MGAT4B: variants seen among roughly 807,000 people sequenced by gnomAD.
MGAT4B encodes the protein alpha-1,3-mannosyl-glycoprotein 4-beta-N-acetylglucosaminyltransferase B.
A neutral mutation model predicts 73.9 loss-of-function variants in MGAT4B; 38 were observed. The ratio of observed to expected loss-of-function variants is 0.51; its 90% CI spans 0.40 to 0.67. The LOEUF (loss-of-function observed/expected upper bound fraction) is 0.67, where lower values mean the gene tolerates loss of function less well. MGAT4B is among the 30% of genes least tolerant of loss of function. The pLI is 0.00. For missense variants in MGAT4B, 686 were observed against 735.2 expected (o/e 0.93, Z 0.77); for synonymous variants, 373 against 313.5 (o/e 1.19, Z -2.01).
At position 179,801,645 on chromosome 5, in the gene MGAT4B, G is replaced by A. The variant is rs141170422; in HGVS notation, c.333C>T (p.His111=). The A allele has an allele frequency of 6.8e-6, 11 of 1,606,356 alleles. No individual in the cohort carries two copies. The highest frequency in any genetic ancestry group is 6.8e-5 in the Admixed American group (4 of 58,634). The part of the protein sequence containing the change: ...PWNGSHRHVL[H]LPTVFHHLPH... ...GCAGGTGATGGAAGACGGTGGGCAG[G>A]TGCAGCACGTGCCGGTGTGAGCCGT... Residue 111 remains histidine, a synonymous_variant, in exon 3 of 15, where the codon CAC becomes CAT. Coordinates refer to ENST00000292591, the MANE Select transcript of MGAT4B (RefSeq NM_014275.5). The surrounding 1 kb of genome is among the most constrained non-coding windows in gnomAD (Gnocchi z 4.8).
intron 6 of MGAT4B, 42 bp downstream of exon 6, chr5:179,800,442 C>G: frequency 6.8e-7 from 1 of 1,473,206 alleles, no homozygotes; most frequent in Non-Finnish European, 9.4e-7. Context: ...GTTCTCAGCA[C>G]AGGCAGGCGG....
Position 179,801,978 on chromosome 5 carries a change from G to A in MGAT4B, c.98-9C>T. On this transcript the variant is annotated splice_polypyrimidine_tract_variant and intron_variant, in intron 1 of 14. Coordinates refer to ENST00000292591, the MANE Select transcript of MGAT4B (RefSeq NM_014275.5). This position sits in a 1 kb window ranked among gnomAD's most constrained non-coding sequence, Gnocchi z 4.8. Reference sequence around the variant, plus strand: ...AACGTCCACAACGTCGCCTGCAGGTGGTAGGCAAGCCGTCACGAGGGGGCG... The same window carrying A: ...AACGTCCACAACGTCGCCTGCAGGTAGTAGGCAAGCCGTCACGAGGGGGCG... The A allele has an allele frequency of 1.2e-6, 2 of 1,613,384 alleles. No homozygotes were observed. Among genetic ancestry groups the A allele is most frequent in the Non-Finnish European group, 1.7e-6 (2 of 1,179,992 alleles).
rs749049937 is a variant in MGAT4B at position 179,799,044 on chromosome 5, T to C, written c.1227A>G (p.Thr409=). ...CTTTCTCCAGGGTGAAGTGCTGGTATGTCTTCAGGCTCGTGCTCACCTCTG... is the reference window on the plus strand; with the variant it reads ...CTTTCTCCAGGGTGAAGTGCTGGTACGTCTTCAGGCTCGTGCTCACCTCTG... ...PPAEVSTSLK[T]YQHFTLEKAY... The change falls in exon 11 of 15, where the codon ACA becomes ACG. Residue 409 remains threonine (T), a synonymous_variant. Coordinates refer to ENST00000292591, the MANE Select transcript of MGAT4B (RefSeq NM_014275.5). 2.5e-6 allele frequency: 4 copies of C among 1,614,006 alleles called. No individual in the cohort carries two copies. Among genetic ancestry groups the C allele is most frequent in the Non-Finnish European group, 3.4e-6 (4 of 1,180,030 alleles).
In MGAT4B at chr5:179,800,194, T is replaced by C. The variant is rs1314586319; in HGVS notation, c.785A>G (p.Tyr262Cys). 1 of 1,613,702 alleles carries C rather than the reference T, an allele frequency of 6.2e-7. No homozygotes were observed. Among genetic ancestry groups the C allele is most frequent in the Admixed American group, 1.7e-5 (1 of 60,028 alleles). ...LMMYAQSKGI[Y>C]YVQLEDDIVA... The stretch of plus-strand genomic sequence containing the variant: ...GGGCTTGGGGCTGACCTGCACGTAG[T>C]AGATGCCTTTGGACTGCGCGTACAT... Residue 262 changes from tyrosine (Y) to cysteine (C), a missense_variant, in exon 7 of 15, where the codon TAC becomes TGC. Physicochemically the swap from Tyr to Cys is radical, Grantham distance 194. This residue lies in a region of MGAT4B where 449 missense variants were observed against 536.8 expected (regional missense o/e 0.84). Transcript: ENST00000292591.
intron 11 of MGAT4B, 155 bp from the exon 12 acceptor site, chr5:179,798,746 G>T: frequency 9.2e-7 from 1 of 1,081,616 alleles, no homozygotes; most frequent in Non-Finnish European, 1.3e-6. Flanking sequence ...GGAGGATGGT[G>T]ACAGGAAACA....
In MGAT4B at chr5:179,801,638, T is replaced by A; in HGVS notation, c.340A>T (p.Thr114Ser). Residue 114 changes from threonine to serine, a missense_variant, in exon 3 of 15, where the codon ACC (threonine) becomes TCC (serine). By Grantham distance (58) the Thr-to-Ser change is moderately conservative. Transcript: ENST00000292591. This position sits in a 1 kb window ranked among gnomAD's most constrained non-coding sequence, Gnocchi z 4.8. ...AGGTGTGGCAGGTGATGGAAGACGGTGGGCAGGTGCAGCACGTGCCGGTGT... is the reference window on the plus strand; with the variant it reads ...AGGTGTGGCAGGTGATGGAAGACGGAGGGCAGGTGCAGCACGTGCCGGTGT... Reference protein sequence around the residue: ...GSHRHVLHLPTVFHHLPHLLA... With the variant: ...GSHRHVLHLPSVFHHLPHLLA... 6.2e-7 allele frequency: 1 copy of A among 1,605,362 alleles called. No homozygotes were observed. Among genetic ancestry groups the A allele is most frequent in the Non-Finnish European group, 8.5e-7 (1 of 1,177,624 alleles).
At position 179,801,927 on chromosome 5, in the gene MGAT4B, C is replaced by T. The variant is rs1318145416; in HGVS notation, c.140G>A (p.Arg47His). 1.2e-6 allele frequency: 2 copies of T among 1,613,336 alleles called. No homozygotes were observed. The highest frequency in any genetic ancestry group is 1.7e-6 in the Non-Finnish European group (2 of 1,179,998). Residue 47 changes from arginine to histidine, a missense_variant, in exon 2 of 15, where the codon CGC (arginine) becomes CAC (histidine). By Grantham distance (29) the Arg-to-His change is conservative. Around this residue, in one of 2 missense-constraint regions of MGAT4B, gnomAD observed 237 missense variants for 198.5 expected, o/e 1.19. Coordinates refer to ENST00000292591, the MANE Select transcript of MGAT4B (RefSeq NM_014275.5). This position sits in a 1 kb window ranked among gnomAD's most constrained non-coding sequence, Gnocchi z 4.8. Reference protein sequence around the residue: ...DVYQREFLALRDRLHAAEQES... With the variant: ...DVYQREFLALHDRLHAAEQES... Reference sequence around the variant, plus strand: ...CTGCTCAGCTGCGTGCAACCGATCGCGCAGCGCCAGGAACTCCCGCTGGTA... The same window carrying T: ...CTGCTCAGCTGCGTGCAACCGATCGTGCAGCGCCAGGAACTCCCGCTGGTA...
At chr5:179,805,597 C>T (rs1176637724) in intron 1 of MGAT4B, among the ~76,000 whole-genome samples, 1 of 152,246 alleles carries the variant, frequency 6.6e-6, no homozygotes, top group Non-Finnish European at 1.5e-5. Flanking sequence ...CCGGAAGGGT[C>T]CAGGTTCCCT....
At position 179,801,571 on chromosome 5, in the gene MGAT4B, C is replaced by G; in HGVS notation, c.407G>C (p.Gly136Ala). 1 of 1,607,878 alleles carries G rather than the reference C, an allele frequency of 6.2e-7. No homozygotes were observed. Among genetic ancestry groups the G allele is most frequent in the Non-Finnish European group, 8.5e-7 (1 of 1,177,978 alleles). The change falls in exon 3 of 15, where the codon GGC (glycine) becomes GCC (alanine). Residue 136 changes from glycine to alanine, a missense_variant. Coordinates refer to ENST00000292591, the MANE Select transcript of MGAT4B (RefSeq NM_014275.5). The surrounding 1 kb of genome is among the most constrained non-coding windows in gnomAD (Gnocchi z 4.8). ...GCCCATACCTCCGGTGCGGCCCTGGCCCACGCGCACCGCGGGCTGCAGACT... is the reference window on the plus strand; with the variant it reads ...GCCCATACCTCCGGTGCGGCCCTGGGCCACGCGCACCGCGGGCTGCAGACT... Reference protein sequence around the residue: ...ESSLQPAVRVGQGRTGVSVVM... With the variant: ...ESSLQPAVRVAQGRTGVSVVM...
rs763708905 is a variant in MGAT4B at position 179,802,054 on chromosome 5, G to A, written c.98-85C>T. ...CCAGTGTGCCAGCGCACACATCTGG[G>A]TGTCCACCTCTGCAATAGCTCATTG... On this transcript the variant is annotated intron_variant, in intron 1 of 14. Transcript: ENST00000292591. The A allele has an allele frequency of 5.6e-6, 9 of 1,605,934 alleles. No individual in the cohort carries two copies. In the Admixed American group the frequency reaches 1.5e-4, roughly 27 times the overall value.
rs1417949640 is a variant in MGAT4B, at chr5:179,800,929, C to G, written c.583G>C (p.Val195Leu). 1 of 1,613,838 alleles carries G rather than the reference C, an allele frequency of 6.2e-7. No homozygotes were observed. Among genetic ancestry groups the G allele is most frequent in the Non-Finnish European group, 8.5e-7 (1 of 1,179,980 alleles). Residue 195 changes from valine (V) to leucine (L), a missense_variant, in exon 5 of 15, where the codon GTG (valine) becomes CTG (leucine). Transcript: ENST00000292591. ...CACAAGGCCTTGATGTTCTCTGTCACTGCCGAAGTGTACTGTGAGTCAGTC... is the reference window on the plus strand; with the variant it reads ...CACAAGGCCTTGATGTTCTCTGTCAGTGCCGAAGTGTACTGTGAGTCAGTC... ...AETDSQYTSAVTENIKALFPT... is the reference protein window; with the variant it reads ...AETDSQYTSALTENIKALFPT...
intron 1 of MGAT4B, chr5:179,802,650 G>C (rs996032930): frequency 4.1e-6 from 4 of 986,596 alleles, no homozygotes; most frequent in Middle Eastern, 5.2e-4. Flanking sequence ...TGAAGGGTCC[G>C]CATGCCACCC....
chr5:179,805,352 C>A (rs752245880), intron 1 of MGAT4B: 1 of 152,358 alleles, frequency 6.6e-6, no homozygotes, highest in Non-Finnish European at 1.5e-5. Flanking sequence ...AGGTGACACA[C>A]CCTACCTACA....
Position 179,799,015 on chromosome 5 carries a change from T to C in MGAT4B, c.1256A>G (p.Tyr419Cys), listed in dbSNP as rs1236799999. The change falls in exon 11 of 15, where the codon TAC becomes TGC. Residue 419 changes from tyrosine (Y) to cysteine (C), a missense_variant. By Grantham distance (194) the Tyr-to-Cys change is radical. This residue lies in a region of MGAT4B where 449 missense variants were observed against 536.8 expected (regional missense o/e 0.84). Transcript: ENST00000292591. ...GGCCCAGAAGAAGTCCTCGCGCAGG[T>C]AGGCTTTCTCCAGGGTGAAGTGCTG... is the stretch of plus-strand genomic sequence containing the variant. Reference protein sequence around the residue: ...TYQHFTLEKAYLREDFFWAFT... With the variant: ...TYQHFTLEKACLREDFFWAFT... The C allele has an allele frequency of 5.0e-6, 8 of 1,613,796 alleles. 1 individual carries two copies. Among genetic ancestry groups the C allele is most frequent in the Non-Finnish European group, 8.5e-7 (1 of 1,180,036 alleles).
intron 13 of MGAT4B, 34 bp downstream of exon 13, chr5:179,798,313 C>A: frequency 6.2e-7 from 1 of 1,612,814 alleles, no homozygotes; most frequent in South Asian, 1.1e-5. Context: ...TGTCCCTGAA[C>A]CCCAGCCCAC....
rs1156522076 is a variant in MGAT4B at position 179,799,617 on chromosome 5, C to T, written c.930G>A (p.Leu310=). Residue 310 remains leucine, a synonymous_variant, in exon 9 of 15, where the codon CTG becomes CTA. Transcript: ENST00000292591. ...LGFIGKMFKS[L]DLSLIVEFIL... is the part of the protein sequence containing the mutation. ...TGAACTCTACAATCAGGCTCAGGTC[C>T]AGCGACTTGAACATCTTACCTGGTG... The T allele has an allele frequency of 1.2e-6, 2 of 1,613,674 alleles. No individual in the cohort carries two copies. The highest frequency in any genetic ancestry group is 8.5e-7 in the Non-Finnish European group (1 of 1,180,040).
In MGAT4B at chr5:179,801,376, C is replaced by G. The variant is rs760504820; in HGVS notation, c.516G>C (p.Pro172=). ...TLHSLISELS[P]QEKEDSVIVV... ...CGATGACCGAGTCCTCCTTCTCCTG[C>G]GGGCTCAGCTCGGAGATGAGCGAGT... is the stretch of plus-strand genomic sequence containing the variant. The change falls in exon 4 of 15, where the codon CCG becomes CCC. Residue 172 remains proline, a synonymous_variant. Transcript: ENST00000292591. This position sits in a 1 kb window ranked among gnomAD's most constrained non-coding sequence, Gnocchi z 4.8. 36 of 1,612,568 alleles carry G rather than the reference C, an allele frequency of 2.2e-5. 1 individual carries two copies. In the South Asian group the frequency reaches 3.2e-4, roughly 14 times the overall value.
At position 179,797,879 on chromosome 5, in the gene MGAT4B, T is replaced by TC. The variant is rs1222412419; in HGVS notation, c.*165dup. The TC allele has an allele frequency of 3.1e-6, 3 of 976,706 alleles. No individual in the cohort carries two copies. The African/African-American group carries it at 5.0e-5, about 16-fold the overall frequency. 60.5% of individuals were successfully genotyped at this position (976,706 alleles called of 1,614,324 possible). On this transcript the variant is annotated 3_prime_UTR_variant, in exon 15 of 15. Coordinates refer to ENST00000292591, the MANE Select transcript of MGAT4B (RefSeq NM_014275.5). The stretch of plus-strand genomic sequence containing the variant: ...CCCGGCGGGCGGGGGCAGCACCAGC[T>TC]CCTAGGGCCTCCGGGCCAGCGGCGG...
Position 179,798,360 on chromosome 5 carries a change from G to A in MGAT4B, c.1497C>T (p.Gly499=). Residue 499 remains glycine, a synonymous_variant, in exon 13 of 15, where the codon GGC becomes GGT. Transcript: ENST00000292591. ...AACCCTACCCACCGATCTGGAGGTA[G>A]CCGTCGGGGCTCCGAGGGTACCGGA... is the stretch of plus-strand genomic sequence containing the variant. The part of the protein sequence containing the change: ...ATLRYPRSPD[G]YLQIGSFYKG... 6.2e-7 allele frequency: 1 copy of A among 1,613,064 alleles called. No homozygotes were observed. Among genetic ancestry groups the A allele is most frequent in the South Asian group, 1.1e-5 (1 of 91,088 alleles).
Sources: allele counts gnomAD v4.1 joint callset (sites outside exome capture counted in the v4.1 genomes callset), GRCh38; gene constraint gnomAD v4.1.1; regional missense constraint gnomAD v4.1.1; non-coding constraint Gnocchi (gnomAD v3.1); transcripts MANE v1.5; gene names NCBI Gene and HGNC (gene_info 2026-07-23, HGNC 2026-07-21).